Variants in PIK3CA observed in about 807,000 individuals in gnomAD.
The protein encoded by PIK3CA is phosphatidylinositol-4,5-bisphosphate 3-kinase catalytic subunit alpha.
A neutral mutation model predicts 138.2 loss-of-function variants in PIK3CA; 27 were observed. That is an observed-to-expected ratio of 0.20 (90% CI 0.14 to 0.27). PIK3CA has a LOEUF of 0.27. Ranked by LOEUF, PIK3CA falls within the 10% of genes least tolerant of loss-of-function variation. The pLI is 1.00. For missense variants in PIK3CA, 544 were observed against 1,277.4 expected, an observed-to-expected ratio of 0.43 and a Z score of 8.75; for synonymous variants, 358 against 413.2, an observed-to-expected ratio of 0.87 and a Z score of 1.62.
At position 179,240,081 on chromosome 3, in the gene PIK3CA, AAAAG is replaced by A. The variant is rs1451311880; in HGVS notation, c.*5721_*5724del. On this transcript the variant is annotated 3_prime_UTR_variant, in exon 21 of 21. Transcript: ENST00000263967. ...AACATCACGCTGTTTATTAAAAAAAAAAAGAAAAATTACTTTTTGTGTCCAAACA... is the reference window on the plus strand; with the variant it reads ...AACATCACGCTGTTTATTAAAAAAAAAAAAATTACTTTTTGTGTCCAAACA... 5.9e-6 allele frequency: 9 copies of A among 1,523,138 alleles called. No homozygotes were observed. The East Asian group carries it at 1.7e-4, about 29-fold the overall frequency. The allele number at this position is 1,523,138 out of a possible 1,614,324, so 94.4% of individuals were successfully genotyped here. A position where few individuals can be genotyped will look rare whatever the true frequency, so the allele number is the denominator to read the frequency against.
chr3:179,178,288 A>G (rs1019242603), intron 1 of PIK3CA, among the ~76,000 whole-genome samples: 1 of 151,124 alleles, frequency 6.6e-6, no homozygotes, highest in Non-Finnish European at 1.5e-5. Flanking sequence ...AAACTCAGAA[A>G]TTAACATTTA....
In PIK3CA at chr3:179,229,120, C is replaced by G; in HGVS notation, c.2496-152C>G. 3 of 560,720 alleles carry G rather than the reference C, an allele frequency of 5.4e-6. No homozygotes were observed. The South Asian group carries it at 7.9e-5, about 15-fold the overall frequency. 34.7% of individuals were successfully genotyped at this position (560,720 alleles called of 1,614,324 possible). ...AGGATTATTCCAGGAGTATGTTTAT[C>G]ACACCATAAAAAAGAAAATTAAAAT... On this transcript the variant is annotated intron_variant, in intron 17 of 20. Coordinates refer to ENST00000263967, the MANE Select transcript of PIK3CA (RefSeq NM_006218.4).
chr3:179,208,673 T>C (rs1204056529), intron 6 of PIK3CA, among the ~76,000 whole-genome samples: 1 of 152,170 alleles, frequency 6.6e-6, no homozygotes, highest in Non-Finnish European at 1.5e-5. Flanking sequence ...TAATTTCACA[T>C]GTAGCACCCA....
At chr3:179,217,653 CA>C (rs1039414084) in intron 9 of PIK3CA, among the ~76,000 whole-genome samples, 14 of 151,908 alleles carry the variant, frequency 9.2e-5, no homozygotes, top group African/African-American at 2.2e-4. Context: ...TGGAATTATA[CA>C]AAAAAATATT....
rs372585003 is a variant in PIK3CA at position 179,203,694 on chromosome 3, A to G, written c.964A>G (p.Thr322Ala). The G allele has an allele frequency of 3.7e-6, 6 of 1,613,684 alleles. No individual in the cohort carries two copies. In the African/African-American group the frequency reaches 6.7e-5, roughly 18 times the overall value. ...AGCTACACCATATATGAATGGAGAA[A>G]CATCTACAAAATCCCTTTGGGTTAT... ...STATPYMNGE[T>A]STKSLWVINS... The change falls in exon 5 of 21, where the codon ACA (threonine) becomes GCA (alanine). Residue 322 changes from threonine to alanine, a missense_variant. Transcript: ENST00000263967.
intron 4 of PIK3CA, 109 bp from the exon 5 acceptor site, chr3:179,203,435 T>A (rs1724472461): frequency 9.7e-7 from 1 of 1,031,760 alleles, no homozygotes; most frequent in East Asian, 2.5e-5. Flanking sequence ...CTATAATGTT[T>A]AATTTTTTAT....
rs574096919 is a variant in PIK3CA, at chr3:179,193,889, T to C, written c.-76-4861T>C. Among the ~76,000 whole-genome samples, 6 of 152,326 alleles carry C rather than the reference T, an allele frequency of 3.9e-5. No individual in the cohort carries two copies. The South Asian group carries it at 1.2e-3, about 32-fold the overall frequency. The stretch of plus-strand genomic sequence containing the variant: ...TATTTTTAGTAAATACATTTTTAAT[T>C]CTGTGACCTCAAACCTCCAAGCTAC... On this transcript the variant is annotated intron_variant, in intron 1 of 20. Coordinates refer to ENST00000263967, the MANE Select transcript of PIK3CA (RefSeq NM_006218.4).
intron 9 of PIK3CA, among the ~76,000 whole-genome samples, chr3:179,217,632 TATAC>T (rs1228718366): frequency 1.4e-4 from 21 of 152,042 alleles, no homozygotes; most frequent in African/African-American, 5.1e-4. Flanking sequence ...TTGCAGGGAA[TATAC>T]ATTGCTTGGA....
At chr3:179,213,389 A>G (rs1033863829) in intron 9 of PIK3CA, among the ~76,000 whole-genome samples, 5 of 152,254 alleles carry the variant, frequency 3.3e-5, no homozygotes, top group Non-Finnish European at 5.9e-5. Context: ...CAATGTACAT[A>G]CTTTAAAAAT....
At chr3:179,218,833 A>G (rs1350620160) in intron 10 of PIK3CA, among the ~76,000 whole-genome samples, 1 of 152,038 alleles carries the variant, frequency 6.6e-6, no homozygotes, top group Non-Finnish European at 1.5e-5. Context: ...TTGTCCAGTA[A>G]CTACAGTAGA....
chr3:179,229,546 ACTTT>A, intron 18 of PIK3CA, 104 bp downstream of exon 18: 1 of 733,156 alleles, frequency 1.4e-6, no homozygotes, highest in Non-Finnish European at 2.1e-6. Context: ...AAACAATTGT[ACTTT>A]CTATGGAAAA....
chr3:179,225,767 A>G (rs983058570), intron 16 of PIK3CA, among the ~76,000 whole-genome samples, 195 bp from the exon 17 acceptor site: 1 of 152,154 alleles, frequency 6.6e-6, no homozygotes, highest in Non-Finnish European at 1.5e-5. Flanking sequence ...TAATAAAGCT[A>G]TGTAAAGGCT....
intron 1 of PIK3CA, among the ~76,000 whole-genome samples, chr3:179,197,658 C>T (rs987029135): frequency 2.7e-4 from 41 of 152,318 alleles, no homozygotes; most frequent in African/African-American, 9.1e-4. Context: ...CCTACAATAT[C>T]TGATAGACTA....
chr3:179,179,915 T>C (rs1723798205), intron 1 of PIK3CA, among the ~76,000 whole-genome samples: 1 of 152,126 alleles, frequency 6.6e-6, no homozygotes, highest in African/African-American at 2.4e-5. Flanking sequence ...AGGATGAGTA[T>C]GATTAAAATG....
chr3:179,177,906 G>T (rs1723739138), intron 1 of PIK3CA, among the ~76,000 whole-genome samples: 1 of 151,936 alleles, frequency 6.6e-6, no homozygotes, highest in Non-Finnish European at 1.5e-5. Flanking sequence ...GAAATTCCCA[G>T]CATTTACAAG....
chr3:179,203,909 A>G (rs780694236), intron 5 of PIK3CA, 120 bp downstream of exon 5: 3 of 654,778 alleles, frequency 4.6e-6, no homozygotes, highest in East Asian at 2.8e-5. Context: ...AGAACATCCA[A>G]ATCTCCGAAT....
chr3:179,206,268 G>C (rs1405755552), intron 6 of PIK3CA, among the ~76,000 whole-genome samples: 2 of 151,902 alleles, frequency 1.3e-5, no homozygotes, highest in Non-Finnish European at 2.9e-5. Context: ...ATGTTGGCCA[G>C]GCTGGTCTTG....
In PIK3CA at chr3:179,166,065, C is replaced by CGA. The variant is rs1445425520; in HGVS notation, c.-77+17462_-77+17463insGA. Among the ~76,000 whole-genome samples, 75 of 152,190 alleles carry CGA rather than the reference C, an allele frequency of 4.9e-4. No homozygotes were observed. In the East Asian group the frequency reaches 0.014, roughly 28 times the overall value. ...AAGTCAGGGATGCCATATTTTAGATCTTTTATTTAATCTTAGAGTAAAAGC... is the reference window on the plus strand; with the variant it reads ...AAGTCAGGGATGCCATATTTTAGATCGATTTTATTTAATCTTAGAGTAAAAGC... On this transcript the variant is annotated intron_variant, in intron 1 of 20. Transcript: ENST00000263967.
intron 6 of PIK3CA, among the ~76,000 whole-genome samples, chr3:179,208,125 C>T (rs1439981186): frequency 6.6e-6 from 1 of 151,898 alleles, no homozygotes; most frequent in African/African-American, 2.4e-5. Flanking sequence ...CCACATTTCC[C>T]CATTTTAAAT....
Sources: gnomAD v4.1 joint callset for allele counts (sites outside exome capture counted in the v4.1 genomes callset) on GRCh38, gnomAD v4.1.1 for gene constraint, MANE v1.5 for transcripts, NCBI Gene and HGNC (gene_info 2026-07-23, HGNC 2026-07-21) for gene names.